Variants in CNKSR2 observed in about 807,000 individuals in gnomAD.
CNKSR2 encodes CNK homolog protein 2.
In CNKSR2, 14 loss-of-function variants were observed where a neutral mutation model predicts 84.4. The observed-to-expected ratio is 0.17, with a 90% CI of 0.11 to 0.26. The LOEUF (loss-of-function observed/expected upper bound fraction) is 0.26, where lower values mean the gene tolerates loss of function less well. Among genes scored for constraint, CNKSR2 ranks in the 10% least tolerant of loss-of-function variants. CNKSR2 has a pLI of 1.00. For missense variants in CNKSR2, 485 were observed against 771.2 expected (o/e 0.63, Z 4.40); for synonymous variants, 275 against 277.9 (o/e 0.99, Z 0.10).
At chrX:21,517,894 A>G (rs2091744386) in intron 9 of CNKSR2, among the ~76,000 whole-genome samples, 1 of 111,733 alleles carries the variant, frequency 8.9e-6, no homozygotes, top group African/African-American at 3.2e-5. Flanking sequence ...ATTCTCCATT[A>G]TACATGAATG....
intron 5 of CNKSR2, among the ~76,000 whole-genome samples, chrX:21,475,638 C>T (rs1219947969): frequency 5.4e-5 from 6 of 111,097 alleles, no homozygotes; most frequent in African/African-American, 9.8e-5. Context: ...TTGAGATAGG[C>T]GCTAGAACAT....
intron 1 of CNKSR2, among the ~76,000 whole-genome samples, chrX:21,408,394 G>A (rs1035176506): frequency 9.0e-6 from 1 of 111,412 alleles, no homozygotes; most frequent in Admixed American, 9.6e-5. Context: ...CATCCATCAG[G>A]TTCTTCTCAT....
chrX:21,435,127 C>T (rs2090686492), intron 3 of CNKSR2, among the ~76,000 whole-genome samples: 1 of 109,329 alleles, frequency 9.1e-6, no homozygotes, highest in African/African-American at 3.3e-5. Flanking sequence ...TGCTATTTCT[C>T]TTCAAAAGCT....
At position 21,527,067 on chromosome X, in the gene CNKSR2, C is replaced by A. The variant is rs2091842458; in HGVS notation, c.1091+67C>A. The A allele has an allele frequency of 1.9e-5, 19 of 975,685 alleles. No homozygotes were observed. In the South Asian group the frequency reaches 4.6e-4, roughly 23 times the overall value. 80.4% of individuals were successfully genotyped at this position (975,685 alleles called of 1,213,427 possible). A position where few individuals can be genotyped will look rare whatever the true frequency, so the allele number is the denominator to read the frequency against. The stretch of plus-strand genomic sequence containing the variant: ...GGTAAACCTAACAGCATATAAACTG[C>A]AAAGTCAATTCTGAAGGAACACCTT... On this transcript the variant is annotated intron_variant, in intron 10 of 21. Transcript: ENST00000379510.
In CNKSR2 at chrX:21,565,608, T is replaced by C. The variant is rs113811046; in HGVS notation, c.1608+2156T>C. On this transcript the variant is annotated intron_variant, in intron 13 of 21. Transcript: ENST00000379510. ...CAGAGGACCAGCACAGAGTAAGGAA[T>C]ATTGTTAACTTTGGGGGAGATCTTC... is the stretch of plus-strand genomic sequence containing the variant. Among the ~76,000 whole-genome samples the C allele has an allele frequency of 9.9e-3, 1,103 of 111,524 alleles. 10 individuals are homozygous for C. Among genetic ancestry groups the C allele is most frequent in the African/African-American group, 0.033 (1,022 of 30,635 alleles).
intron 11 of CNKSR2, among the ~76,000 whole-genome samples, chrX:21,541,526 A>G: frequency 9.0e-6 from 1 of 111,632 alleles, no homozygotes; most frequent in East Asian, 2.8e-4. Flanking sequence ...AATGATGCAC[A>G]GCTGATCCCA....
At chrX:21,583,135 TA>T (rs1170591356) in intron 13 of CNKSR2, among the ~76,000 whole-genome samples, 2 of 110,947 alleles carry the variant, frequency 1.8e-5, no homozygotes, top group African/African-American at 6.6e-5. Context: ...AATAAAAGTT[TA>T]AAAAAAATCA....
At chrX:21,391,405 C>G (rs1250852315) in intron 1 of CNKSR2, among the ~76,000 whole-genome samples, 1 of 112,484 alleles carries the variant, frequency 8.9e-6, no homozygotes, top group Non-Finnish European at 1.9e-5. Flanking sequence ...CAAGCCTCAA[C>G]TCTTACCCTC....
Position 21,432,512 on chromosome X carries a change from T to C in CNKSR2, c.229-100T>C, listed in dbSNP as rs1160996762. ...CTATCTTATTCATTTGTAACTCGAA[T>C]GCTACCCCATTGCCTGTGCATAATA... On this transcript the variant is annotated intron_variant, in intron 2 of 21. Coordinates refer to ENST00000379510, the MANE Select transcript of CNKSR2 (RefSeq NM_014927.5). 6.8e-6 allele frequency: 4 copies of C among 584,825 alleles called. No individual in the cohort carries two copies. The Admixed American group carries it at 1.3e-4, about 20-fold the overall frequency. 48.2% of individuals were successfully genotyped at this position (584,825 alleles called of 1,213,427 possible). A position where few individuals can be genotyped will look rare whatever the true frequency, so the allele number is the denominator to read the frequency against.
At chrX:21,507,556 C>CTA (rs754663632) in intron 8 of CNKSR2, among the ~76,000 whole-genome samples, 47 of 109,895 alleles carry the variant, frequency 4.3e-4, no homozygotes, top group Non-Finnish European at 6.9e-4. Flanking sequence ...ATACTTTTAG[C>CTA]TATATATATA....
chrX:21,643,839 A>G (rs2092698970), intron 20 of CNKSR2: 2 of 111,239 alleles, frequency 1.8e-5, no homozygotes, highest in African/African-American at 3.3e-5. Flanking sequence ...ACCCAGTTTT[A>G]TAATGCTAGG....
chrX:21,394,342 A>T (rs1307944340), intron 1 of CNKSR2, among the ~76,000 whole-genome samples: 3 of 111,860 alleles, frequency 2.7e-5, no homozygotes, highest in African/African-American at 9.7e-5. Context: ...ATACTGATTT[A>T]AAAATGCATC....
chrX:21,545,261 A>G lies in CNKSR2; in HGVS notation c.1303+13194A>G, dbSNP rs1286289920. On this transcript the variant is annotated intron_variant, in intron 11 of 21. Coordinates refer to ENST00000379510, the MANE Select transcript of CNKSR2 (RefSeq NM_014927.5). ...CAGTTTTCCCCTCACAGTGTAAACA[A>G]AGCCTCTGGGAAATTCGAACTGGGC... is the stretch of plus-strand genomic sequence containing the variant. 2.7e-5 allele frequency among the ~76,000 whole-genome samples: 3 copies of G among 112,139 alleles called. No individual in the cohort carries two copies. In the East Asian group the frequency reaches 8.5e-4, roughly 32 times the overall value.
chrX:21,642,242 T>A, intron 20 of CNKSR2: 3 of 752,401 alleles, frequency 4.0e-6, no homozygotes, highest in Non-Finnish European at 4.7e-6. Context: ...TTCGGTGACA[T>A]TAATGAAGAA....
chrX:21,439,951 C>A (rs147661863), intron 3 of CNKSR2, among the ~76,000 whole-genome samples: 118 of 107,780 alleles, frequency 1.1e-3, no homozygotes, highest in African/African-American at 2.3e-3. Context: ...CCCTCCCCCC[C>A]AAAAAAAAAC....
chrX:21,497,501 A>G (rs1374691413), intron 6 of CNKSR2, among the ~76,000 whole-genome samples: 1 of 111,423 alleles, frequency 9.0e-6, no homozygotes, highest in Non-Finnish European at 1.9e-5. Context: ...TTTCTTTCTT[A>G]GGAATATTGA....
At chrX:21,445,143 A>G (rs1044519827) in intron 4 of CNKSR2, among the ~76,000 whole-genome samples, 1 of 111,524 alleles carries the variant, frequency 9.0e-6, no homozygotes, top group South Asian at 3.7e-4. Context: ...TGAATCAGAC[A>G]TTCTGGGTGA....
chrX:21,494,609 A>C (rs935234037), intron 6 of CNKSR2: 4 of 110,274 alleles, frequency 3.6e-5, no homozygotes, highest in South Asian at 8.4e-4. Flanking sequence ...GTGATTATTT[A>C]TATGGGGGTG....
At chrX:21,390,390 T>C (rs1360404230) in intron 1 of CNKSR2, among the ~76,000 whole-genome samples, 3 of 110,965 alleles carry the variant, frequency 2.7e-5, no homozygotes, top group Non-Finnish European at 3.8e-5. Context: ...TTCCACAGGC[T>C]GTACAGGAAA....
Sources: gnomAD v4.1 joint callset for allele counts (sites outside exome capture counted in the v4.1 genomes callset) on GRCh38, gnomAD v4.1.1 for gene constraint, MANE v1.5 for transcripts, NCBI Gene and HGNC (gene_info 2026-07-23, HGNC 2026-07-21) for gene names.